Variants in SLX9 observed in about 807,000 individuals in gnomAD.
SLX9 encodes the protein ribosome biogenesis protein SLX9 homolog.
A neutral mutation model predicts 20.8 loss-of-function variants in SLX9; 19 were observed. The ratio of observed to expected loss-of-function variants is 0.91; its 90% CI spans 0.64 to 1.34. The LOEUF (loss-of-function observed/expected upper bound fraction) is 1.34. SLX9 is among the 40% of genes most tolerant of loss of function. SLX9 has a pLI of 0.00. For synonymous variants in SLX9, 113 were observed against 137.1 expected, an observed-to-expected ratio of 0.82 and a Z score of 1.23; for missense variants, 299 against 322.2, an observed-to-expected ratio of 0.93 and a Z score of 0.55.
intron 3 of SLX9, among the ~76,000 whole-genome samples, chr21:44,961,009 C>A (rs1158673327): frequency 1.3e-5 from 2 of 152,106 alleles, no homozygotes; most frequent in Non-Finnish European, 1.5e-5. Context: ...GAGGTAGGAC[C>A]TAGAAAACTT....
intron 2 of SLX9, among the ~76,000 whole-genome samples, chr21:44,948,946 C>G (rs1042507101): frequency 2.0e-5 from 3 of 152,182 alleles, no homozygotes; most frequent in Non-Finnish European, 4.4e-5. Context: ...GCCAAGCCAC[C>G]CTCAGCCCCC....
At chr21:44,976,228 C>T (rs1439750506) in intron 5 of SLX9, among the ~76,000 whole-genome samples, 1 of 152,264 alleles carries the variant, frequency 6.6e-6, no homozygotes. Context: ...CCGTGGCACC[C>T]ATCTGGGGCT....
intron 4 of SLX9, chr21:44,969,225 C>T: frequency 2.1e-6 from 1 of 469,612 alleles, no homozygotes; most frequent in South Asian, 1.6e-5. Flanking sequence ...AGGCTGGCAT[C>T]CCGCGGCGGA....
At chr21:44,951,114 A>G (rs925942599) in intron 2 of SLX9, among the ~76,000 whole-genome samples, 24 of 152,238 alleles carry the variant, frequency 1.6e-4, no homozygotes, top group Non-Finnish European at 3.2e-4. Context: ...GCAGCAGCAG[A>G]ACACACAGGA....
At position 44,940,154 on chromosome 21, in the gene SLX9, G is replaced by T; in HGVS notation, c.97G>T (p.Ala33Ser). The change falls in exon 1 of 6, where the codon GCG (alanine) becomes TCG (serine). Residue 33 changes from alanine to serine, a missense_variant. Coordinates refer to ENST00000291634, the MANE Select transcript of SLX9 (RefSeq NM_058190.4). ...APGPAPPAPEATPPPASAAGK... is the reference protein window; with the variant it reads ...APGPAPPAPESTPPPASAAGK... ...CGGCCCCGCGCCCCCTGCCCCGGAG[G>T]CGACCCCTCCGCCGGCCTCGGCCGC... 6 of 1,298,918 alleles carry T rather than the reference G, an allele frequency of 4.6e-6. No homozygotes were observed. Among genetic ancestry groups the T allele is most frequent in the Non-Finnish European group, 4.9e-6 (5 of 1,019,528 alleles). The allele number at this position is 1,298,918 out of a possible 1,614,324, so 80.5% of individuals were successfully genotyped here.
chr21:44,941,998 A>C (rs1018824175), intron 1 of SLX9, among the ~76,000 whole-genome samples: 3 of 152,262 alleles, frequency 2.0e-5, no homozygotes, highest in Non-Finnish European at 4.4e-5. Context: ...GGGCAGGAGC[A>C]GCTTCAGCTT....
intron 5 of SLX9, among the ~76,000 whole-genome samples, 163 bp from the exon 6 acceptor site, chr21:44,976,517 G>T (rs1241052798): frequency 6.6e-6 from 1 of 152,202 alleles, no homozygotes; most frequent in Non-Finnish European, 1.5e-5. Context: ...AGGGCCCGGG[G>T]CAGCCTCTCC....
At chr21:44,951,212 C>T (rs58184639) in intron 2 of SLX9, among the ~76,000 whole-genome samples, 11,721 of 152,176 alleles carry the variant, frequency 0.077, 1,498 homozygotes, top group African/African-American at 0.26. Flanking sequence ...GAAACCGTGG[C>T]TGCTGCCATA....
intron 4 of SLX9, among the ~76,000 whole-genome samples, chr21:44,972,490 G>C (rs1462492271): frequency 6.6e-6 from 1 of 152,212 alleles, no homozygotes; most frequent in African/African-American, 2.4e-5. Flanking sequence ...AAAGGAAATA[G>C]CCAGCAGCAC....
intron 1 of SLX9, among the ~76,000 whole-genome samples, chr21:44,940,668 C>G (rs1229594511): frequency 1.1e-5 from 1 of 95,132 alleles, no homozygotes; most frequent in Admixed American, 1.3e-4. Flanking sequence ...TTATTGCTTT[C>G]AGGATTTTTT....
intron 2 of SLX9, among the ~76,000 whole-genome samples, chr21:44,944,953 T>C (rs1389251581): frequency 6.6e-6 from 1 of 152,200 alleles, no homozygotes; most frequent in Non-Finnish European, 1.5e-5. Context: ...GTGTGAAACG[T>C]TTAAAACAGT....
At chr21:44,965,442 T>C (rs1326845164) in intron 3 of SLX9, among the ~76,000 whole-genome samples, 2 of 152,228 alleles carry the variant, frequency 1.3e-5, no homozygotes, top group African/African-American at 4.8e-5. Flanking sequence ...GGATTTATCA[T>C]TGAGTGTCTA....
chr21:44,956,507 G>C (rs2084860197), intron 2 of SLX9, among the ~76,000 whole-genome samples: 2 of 152,206 alleles, frequency 1.3e-5, no homozygotes, highest in Non-Finnish European at 2.9e-5. Context: ...TGCCGCTTCA[G>C]CTGGTGACCT....
intron 1 of SLX9, among the ~76,000 whole-genome samples, chr21:44,941,761 T>C (rs745529614): frequency 6.6e-5 from 10 of 152,048 alleles, no homozygotes; most frequent in Admixed American, 1.3e-4. Flanking sequence ...CTCCTGGGAG[T>C]TGTTCCTGGG....
intron 2 of SLX9, among the ~76,000 whole-genome samples, chr21:44,948,802 T>C (rs73906966): frequency 0.077 from 11,778 of 152,282 alleles, 1,493 homozygotes; most frequent in African/African-American, 0.27. Flanking sequence ...TCATTTCACC[T>C]ACTTGGCCTG....
At chr21:44,949,038 G>A (rs1441533109) in intron 2 of SLX9, among the ~76,000 whole-genome samples, 2 of 152,224 alleles carry the variant, frequency 1.3e-5, no homozygotes, top group Admixed American at 6.5e-5. Flanking sequence ...GTGCACACCC[G>A]GCCGGGCTCT....
At chr21:44,943,630 C>A in intron 1 of SLX9, 54 bp from the exon 2 acceptor site, 1 of 1,599,762 alleles carries the variant, frequency 6.3e-7, no homozygotes, top group East Asian at 2.2e-5. Context: ...CCTCTGAAAC[C>A]ACAGAGCAAG....
chr21:44,967,047 A>G lies in SLX9; in HGVS notation c.366A>G (p.Ile122Met), dbSNP rs1400970920. The stretch of plus-strand genomic sequence containing the variant: ...CTCCTTCCTTAGAAATCGAAGCCAT[A>G]AAACTGGCTGAGCAGAAGCACAGGG... The part of the protein sequence containing the change: ...REQWLQKIEA[I>M]KLAEQKHREE... Residue 122 changes from isoleucine (I) to methionine (M), a missense_variant, in exon 4 of 6, where the codon ATA becomes ATG. Transcript: ENST00000291634. 1 of 1,611,032 alleles carries G rather than the reference A, an allele frequency of 6.2e-7. No individual in the cohort carries two copies. The highest frequency in any genetic ancestry group is 1.1e-5 in the South Asian group (1 of 90,856).
chr21:44,949,801 CAGCACAG>C (rs2084720530), intron 2 of SLX9, among the ~76,000 whole-genome samples: 1 of 152,242 alleles, frequency 6.6e-6, no homozygotes, highest in African/African-American at 2.4e-5. Flanking sequence ...CTCTCCCGGT[CAGCACAG>C]AGCGCTGCCC....
Sources: gnomAD v4.1 joint callset for allele counts (sites outside exome capture counted in the v4.1 genomes callset) on GRCh38, gnomAD v4.1.1 for gene constraint, MANE v1.5 for transcripts, NCBI Gene and HGNC (gene_info 2026-07-23, HGNC 2026-07-21) for gene names.